Variants in SHB observed in about 807,000 individuals in gnomAD.
The protein encoded by SHB is SH2 domain-containing adapter protein B.
In SHB, 20 loss-of-function variants were observed where a neutral mutation model predicts 52.3. The ratio of observed to expected loss-of-function variants is 0.38; its 90% confidence interval spans 0.27 to 0.56. The LOEUF is 0.56. Among genes scored for constraint, SHB ranks in the 20% least tolerant of loss-of-function variants. The probability of loss-of-function intolerance (pLI) is 0.71; values close to 1 mark genes in which losing one functional copy is unlikely to be tolerated. For missense variants in SHB, 825 were observed against 723.3 expected, an observed-to-expected ratio of 1.14 and a Z score of -1.61; for synonymous variants, 397 against 316.5, an observed-to-expected ratio of 1.25 and a Z score of -2.70.
chr9:38,057,652 C>T (rs1054588836), intron 1 of SHB, among the ~76,000 whole-genome samples: 2 of 152,208 alleles, frequency 1.3e-5, no homozygotes, highest in Non-Finnish European at 2.9e-5. Flanking sequence ...AGAGGGATTA[C>T]CGGGCTGTCT....
intron 1 of SHB, among the ~76,000 whole-genome samples, chr9:38,056,946 A>C (rs558557133): frequency 6.6e-6 from 1 of 152,372 alleles, no homozygotes; most frequent in African/African-American, 2.4e-5. Flanking sequence ...CTGCAAATGC[A>C]ACTAACTTGC....
chr9:37,928,974 G>A (rs1450574928), intron 5 of SHB, among the ~76,000 whole-genome samples: 1 of 152,260 alleles, frequency 6.6e-6, no homozygotes, highest in Admixed American at 6.5e-5. Flanking sequence ...GGAGGACTTG[G>A]AGCGCACAAT....
rs772120202 is a variant in SHB at position 37,976,100 on chromosome 9, A to G, written c.839-1263T>C. ...ACCCAGGCTGGAGTGCAGTGCTACA[A>G]TCTCGGCTCACTGCAAACTCTGGCT... On this transcript the variant is annotated intron_variant, in intron 2 of 5. Coordinates refer to ENST00000377707, the MANE Select transcript of SHB (RefSeq NM_003028.3). 1.1e-3 allele frequency among the ~76,000 whole-genome samples: 164 copies of G among 152,310 alleles called. 2 individuals carry two copies. Among genetic ancestry groups the G allele is most frequent in the Non-Finnish European group, 6.5e-4 (44 of 68,028 alleles).
chr9:37,927,355 C>T (rs540999256), intron 5 of SHB, among the ~76,000 whole-genome samples: 25 of 152,318 alleles, frequency 1.6e-4, no homozygotes, highest in African/African-American at 5.5e-4. Flanking sequence ...TGTGAACAAA[C>T]GTCTCAATGT....
intron 2 of SHB, among the ~76,000 whole-genome samples, chr9:38,011,356 A>AGAAAAGGCCAAGACCAT (rs1744132987): frequency 6.6e-6 from 1 of 152,198 alleles, no homozygotes; most frequent in Non-Finnish European, 1.5e-5. Context: ...AGCAGGGCAT[A>AGAAAAGGCCAAGACCAT]GAAAAGGCCA....
At position 37,917,832 on chromosome 9, in the gene SHB, T is replaced by G. The variant is rs113919235; in HGVS notation, c.*1989A>C. On this transcript the variant is annotated 3_prime_UTR_variant, in exon 6 of 6. Coordinates refer to ENST00000377707, the MANE Select transcript of SHB (RefSeq NM_003028.3). ...CAGGCCACAGCCAGCGTGGTCTCTA[T>G]GAGGGCTGGGCCACGTGGACGTGCC... Among the ~76,000 whole-genome samples the G allele has an allele frequency of 2.0e-4, 30 of 152,250 alleles. No individual in the cohort carries two copies. Among genetic ancestry groups the G allele is most frequent in the African/African-American group, 7.2e-4 (30 of 41,464 alleles).
chr9:38,024,760 G>A (rs1053581664), intron 1 of SHB, among the ~76,000 whole-genome samples: 2 of 152,200 alleles, frequency 1.3e-5, no homozygotes, highest in East Asian at 1.9e-4. Context: ...AGTGCTTTCA[G>A]CCAGGGACTA....
intron 1 of SHB, among the ~76,000 whole-genome samples, chr9:38,040,390 T>A (rs2118138660): frequency 6.6e-6 from 1 of 152,232 alleles, no homozygotes. Flanking sequence ...CCGGCCGTTA[T>A]CCCTAAAGGG....
chr9:37,928,224 C>T (rs897753707), intron 5 of SHB, among the ~76,000 whole-genome samples: 1 of 152,202 alleles, frequency 6.6e-6, no homozygotes, highest in African/African-American at 2.4e-5. Flanking sequence ...GCAGGAGGAA[C>T]AAGGCAGGGC....
intron 1 of SHB, among the ~76,000 whole-genome samples, chr9:38,020,865 G>C (rs1821273682): frequency 6.6e-6 from 1 of 152,232 alleles, no homozygotes; most frequent in African/African-American, 2.4e-5. Flanking sequence ...GATCTTGCAA[G>C]GCAAGGCTTT....
chr9:38,018,506 G>GAAA (rs56253637), intron 1 of SHB, among the ~76,000 whole-genome samples: 2 of 140,438 alleles, frequency 1.4e-5, no homozygotes, highest in Non-Finnish European at 3.1e-5. Flanking sequence ...TCCTTCCATT[G>GAAA]AAAAAAAAAA....
intron 2 of SHB, chr9:38,015,263 C>G: frequency 1.7e-6 from 1 of 596,074 alleles, no homozygotes; most frequent in East Asian, 2.8e-5. Context: ...CTTGTGACCT[C>G]CCCCTAATCC....
rs1416638704 is a variant in SHB, at chr9:38,068,945, G to C, written c.-300C>G. Reference sequence around the variant, plus strand: ...GCCCGGGGGAGAGCGGAAGGTCCGAGCGCTCCACGCCGCGGACCCTTTGGC... The same window carrying C: ...GCCCGGGGGAGAGCGGAAGGTCCGACCGCTCCACGCCGCGGACCCTTTGGC... On this transcript the variant is annotated 5_prime_UTR_variant, in exon 1 of 6. Transcript: ENST00000377707. 6.6e-6 allele frequency: 1 copy of C among 151,694 alleles called. No homozygotes were observed. The highest frequency in any genetic ancestry group is 1.5e-5 in the Non-Finnish European group (1 of 67,944). The allele number at this position is 151,694 out of a possible 1,614,324, so 9.4% of individuals were successfully genotyped here.
intron 4 of SHB, among the ~76,000 whole-genome samples, chr9:37,950,284 G>C (rs1356915324): frequency 6.6e-6 from 1 of 150,662 alleles, no homozygotes; most frequent in Non-Finnish European, 1.5e-5. Context: ...TTGGTTTTTA[G>C]AGACAGGTTT....
At chr9:37,923,755 C>G (rs947190265) in intron 5 of SHB, among the ~76,000 whole-genome samples, 1 of 152,168 alleles carries the variant, frequency 6.6e-6, no homozygotes, top group Non-Finnish European at 1.5e-5. Context: ...AGCATGTATT[C>G]TGAGCTGCAA....
intron 1 of SHB, among the ~76,000 whole-genome samples, chr9:38,016,572 A>C (rs992461750): frequency 3.3e-5 from 5 of 152,238 alleles, no homozygotes; most frequent in African/African-American, 1.2e-4. Context: ...GGCACAGAAG[A>C]GTTTGTCTAG....
intron 1 of SHB, among the ~76,000 whole-genome samples, chr9:38,046,730 C>T (rs1821657134): frequency 6.6e-6 from 1 of 152,236 alleles, no homozygotes. Context: ...TGTAAAGTTG[C>T]ACAACTTGGT....
At chr9:38,042,355 A>ATT (rs1821595856) in intron 1 of SHB, among the ~76,000 whole-genome samples, 1 of 152,188 alleles carries the variant, frequency 6.6e-6, no homozygotes, top group African/African-American at 2.4e-5. Context: ...AACTGCACAC[A>ATT]TGCCCTTTAA....
Position 37,918,506 on chromosome 9 carries a change from TG to T in SHB, c.*1314del, listed in dbSNP as rs1322871569. Among the ~76,000 whole-genome samples, 32 of 140,138 alleles carry T rather than the reference TG, an allele frequency of 2.3e-4. 1 individual carries two copies. The East Asian group carries it at 5.1e-3, about 22-fold the overall frequency. The allele number at this position is 140,138 out of a possible 152,430, so 91.9% of individuals were successfully genotyped here. On this transcript the variant is annotated 3_prime_UTR_variant, in exon 6 of 6. Transcript: ENST00000377707. ...TGAGGGCTGTGTGTGTGTGTGTGTG[TG>T]TGTGTGTAGGTGTTCTTGTGTGTGG...
Sources: allele counts gnomAD v4.1 joint callset (sites outside exome capture counted in the v4.1 genomes callset), GRCh38; gene constraint gnomAD v4.1.1; transcripts MANE v1.5; gene names NCBI Gene and HGNC (gene_info 2026-07-23, HGNC 2026-07-21).